The following ESR1 variants were observed in gnomAD, a reference collection of about 807,000 sequenced individuals.
ESR1 encodes estrogen receptor 1.
ESR1 carries 12 observed loss-of-function variants against 52.7 expected under a neutral mutation model. The ratio of observed to expected loss-of-function variants is 0.23; its 90% CI spans 0.15 to 0.37. ESR1 has a LOEUF of 0.37. Ranked by LOEUF, ESR1 falls within the 10% of genes least tolerant of loss-of-function variation. The pLI is 1.00. For synonymous variants in ESR1, 305 were observed against 316.8 expected (o/e 0.96, Z 0.39); for missense variants, 584 against 779.7 (o/e 0.75, Z 2.99).
chr6:152,015,000 G>A (rs529806365), intron 5 of ESR1, among the ~76,000 whole-genome samples: 8 of 152,260 alleles, frequency 5.3e-5, no homozygotes, highest in African/African-American at 1.9e-4. Flanking sequence ...ATGGGAGGCA[G>A]ACGTTGCAGT....
chr6:151,755,241 CAAA>C (rs567126492), intron 2 of ESR1, among the ~76,000 whole-genome samples: 3 of 142,078 alleles, frequency 2.1e-5, no homozygotes, highest in South Asian at 4.4e-4. Context: ...AAACCAAAAC[CAAA>C]AAAAAAAAGC....
intron 6 of ESR1, among the ~76,000 whole-genome samples, chr6:152,087,956 A>G (rs1412323041): frequency 1.3e-5 from 2 of 152,186 alleles, no homozygotes; most frequent in Non-Finnish European, 2.9e-5. Flanking sequence ...AGAGACAGCC[A>G]AGTTTGAGAT....
intron 5 of ESR1, among the ~76,000 whole-genome samples, chr6:152,059,218 C>T (rs1353688026): frequency 2.0e-5 from 3 of 151,460 alleles, no homozygotes; most frequent in Non-Finnish European, 4.4e-5. Flanking sequence ...TGAATAAACC[C>T]CAGAAGATCA....
At chr6:151,826,095 G>A (rs935055556) in intron 1 of ESR1, among the ~76,000 whole-genome samples, 4 of 151,904 alleles carry the variant, frequency 2.6e-5, no homozygotes, top group African/African-American at 9.7e-5. Context: ...GGCGGGGAAG[G>A]AATTGAAAGT....
At chr6:151,784,286 A>T (rs1202335523) in intron 2 of ESR1, among the ~76,000 whole-genome samples, 1 of 152,128 alleles carries the variant, frequency 6.6e-6, no homozygotes, top group East Asian at 1.9e-4. Context: ...TTATTTATTT[A>T]TTGAATTATT....
At chr6:151,779,556 G>A (rs533359589) in intron 2 of ESR1, among the ~76,000 whole-genome samples, 435 of 152,232 alleles carry the variant, frequency 2.9e-3, no homozygotes, top group Non-Finnish European at 4.6e-3. Flanking sequence ...AGAGAAATAG[G>A]AACACATATA....
chr6:151,754,492 G>C (rs9479105), intron 2 of ESR1, among the ~76,000 whole-genome samples: 7,878 of 152,228 alleles, frequency 0.052, 721 homozygotes, highest in African/African-American at 0.18. Flanking sequence ...TCAGGCTAGT[G>C]CCCATATTAC....
At chr6:151,874,069 GA>G (rs1431479531) in intron 2 of ESR1, among the ~76,000 whole-genome samples, 5 of 152,116 alleles carry the variant, frequency 3.3e-5, no homozygotes, top group African/African-American at 1.2e-4. Flanking sequence ...TTTGATGTGT[GA>G]GTGCTTAAAC....
At chr6:151,854,514 C>A (rs1207753167) in intron 2 of ESR1, among the ~76,000 whole-genome samples, 2 of 152,180 alleles carry the variant, frequency 1.3e-5, no homozygotes, top group Non-Finnish European at 2.9e-5. Context: ...TATTAAATTA[C>A]AATTTATTTC....
chr6:151,802,971 G>A (rs1225649079), upstream of ESR1, among the ~76,000 whole-genome samples: 1 of 147,176 alleles, frequency 6.8e-6, no homozygotes, highest in Non-Finnish European at 1.5e-5. Context: ...CAGCCTGGGT[G>A]ACAAAAGTGA....
chr6:151,804,428 G>A (rs1265145875), upstream of ESR1: 2 of 152,066 alleles, frequency 1.3e-5, no homozygotes, highest in Admixed American at 6.6e-5. Flanking sequence ...TTCTGGGACT[G>A]GTCTAGAGCA....
At chr6:152,020,569 G>C (rs1478817423) in intron 5 of ESR1, among the ~76,000 whole-genome samples, 1 of 152,046 alleles carries the variant, frequency 6.6e-6, no homozygotes, top group Non-Finnish European at 1.5e-5. Context: ...TTGTGCCTCA[G>C]CCTACAGAGT....
chr6:151,861,362 T>G (rs778024126), intron 2 of ESR1, among the ~76,000 whole-genome samples: 1 of 152,160 alleles, frequency 6.6e-6, no homozygotes, highest in East Asian at 1.9e-4. Context: ...AGAAGGAGAA[T>G]AGATTGCAAA....
intron 5 of ESR1, among the ~76,000 whole-genome samples, chr6:152,059,471 CAATT>C (rs1361865336): frequency 6.6e-6 from 1 of 151,658 alleles, no homozygotes; most frequent in Non-Finnish European, 1.5e-5. Context: ...ATAAGAAAAA[CAATT>C]AAAAATACAT....
In ESR1 at chr6:151,732,534, T is replaced by TTGTGTGTGTGTGTGTG. The variant is rs3036504; in HGVS notation, c.-71+30538_-71+30553dup. ...TTTATGTTTGTGTATGTGTGTGTGT[T>TTGTGTGTGTGTGTGTG]TGTGTGTGTGTGTGTGTGTGTGTGA... On this transcript the variant is annotated intron_variant, in intron 2 of 2. Coordinates refer to the ESR1 transcript ENST00000404742. 1.0e-4 allele frequency among the ~76,000 whole-genome samples: 15 copies of TTGTGTGTGTGTGTGTG among 148,868 alleles called. No homozygotes were observed. The East Asian group carries it at 2.4e-3, about 23-fold the overall frequency.
intron 6 of ESR1, among the ~76,000 whole-genome samples, chr6:152,085,298 GTC>G (rs2152475465): frequency 6.6e-6 from 1 of 151,620 alleles, no homozygotes; most frequent in Non-Finnish European, 1.5e-5. Context: ...GCAAGACCCT[GTC>G]TCTCTTTCTA....
At chr6:151,914,955 T>C (rs1158445524) in intron 3 of ESR1, among the ~76,000 whole-genome samples, 1 of 152,238 alleles carries the variant, frequency 6.6e-6, no homozygotes, top group African/African-American at 2.4e-5. Context: ...TCACTTCCTA[T>C]ACCAACGGAA....
At chr6:151,806,530 G>GTATATATATATATATGTA (rs1777875996), upstream of ESR1, among the ~76,000 whole-genome samples, 1 of 96,468 alleles carries the variant, frequency 1.0e-5, no homozygotes, top group African/African-American at 4.0e-5. Context: ...TCCTTAATAT[G>GTATATATATATATATGTA]TATATATATA....
At chr6:151,981,095 G>A (rs2039952993) in intron 4 of ESR1, among the ~76,000 whole-genome samples, 1 of 152,176 alleles carries the variant, frequency 6.6e-6, no homozygotes, top group Non-Finnish European at 1.5e-5. Context: ...AAGAACTCTA[G>A]GGTTATGTTT....
Sources: gnomAD v4.1 joint callset for allele counts (sites outside exome capture counted in the v4.1 genomes callset) on GRCh38, gnomAD v4.1.1 for gene constraint, MANE v1.5 for transcripts, NCBI Gene and HGNC (gene_info 2026-07-23, HGNC 2026-07-21) for gene names.